The following OR2AK2 variants were observed in gnomAD, a reference collection of about 807,000 sequenced individuals.
The protein encoded by OR2AK2 is olfactory receptor 2AK2.
For missense variants in OR2AK2, 392 were observed against 384.1 expected (o/e 1.02, Z -0.17); for synonymous variants, 139 against 147.2 (o/e 0.94, Z 0.40).
chr1:247,965,885 G>C (rs746286110), exon 1 of OR2AK2: 4 of 1,613,530 alleles, frequency 2.5e-6, no homozygotes, highest in Non-Finnish European at 3.4e-6. Context: ...CCATTCTGTA[G>C]GTCTCGGCTC....
chr1:247,965,246 T>C lies in OR2AK2; in HGVS notation c.-131T>C. 1 of 1,115,904 alleles carries C rather than the reference T, an allele frequency of 9.0e-7. No homozygotes were observed. The highest frequency in any genetic ancestry group is 1.2e-6 in the Non-Finnish European group (1 of 804,026). The allele number at this position is 1,115,904 out of a possible 1,614,324, so 69.1% of individuals were successfully genotyped here. On this transcript the variant is annotated 5_prime_UTR_variant, in exon 1 of 1. The change abolishes the stop of an existing upstream ORF in the 5' untranslated region. Transcript: ENST00000366480. Reference sequence around the variant, plus strand: ...GAAAGCACTTTGTGCTCTAAACATGTAGATAGTTGCCAAACATGTAAGTGA... The same window carrying C: ...GAAAGCACTTTGTGCTCTAAACATGCAGATAGTTGCCAAACATGTAAGTGA...
chr1:247,965,931 A>G lies in OR2AK2; in HGVS notation c.555A>G (p.Leu185=), dbSNP rs146632661. 94 of 1,610,890 alleles carry G rather than the reference A, an allele frequency of 5.8e-5. No individual in the cohort carries two copies. In the African/African-American group the frequency reaches 1.1e-3, roughly 19 times the overall value. ...TTTTCTGTGAAGTTCCAGCTCTACT[A>G]TCATTGGTGTGTCAGGACACCTCCC... Residue 185 remains leucine, a synonymous_variant, in exon 1 of 1, where the codon CTA becomes CTG. Coordinates refer to ENST00000366480, the Ensembl canonical transcript of OR2AK2.
chr1:247,966,133 G>T, exon 1 of OR2AK2: 1 of 1,614,138 alleles, frequency 6.2e-7, no homozygotes, highest in Non-Finnish European at 8.5e-7. Flanking sequence ...CCTGTTCTAT[G>T]CAACCACTCT....
rs769431533 is a variant in OR2AK2 at position 247,965,586 on chromosome 1, C to G, written c.210C>G (p.Asp70Glu). ...TGCTCAGTCAGCTCTCCATCGTTGACCTCATGTACATCTCCACCACAGTGC... is the reference window on the plus strand; with the variant it reads ...TGCTCAGTCAGCTCTCCATCGTTGAGCTCATGTACATCTCCACCACAGTGC... Residue 70 changes from aspartate to glutamate, a missense_variant, in exon 1 of 1, where the codon GAC becomes GAG. Physicochemically the swap from Asp to Glu is conservative, Grantham distance 45. Transcript: ENST00000366480. The G allele has an allele frequency of 1.9e-5, 30 of 1,591,550 alleles. No homozygotes were observed. The highest frequency in any genetic ancestry group is 2.5e-5 in the Non-Finnish European group (29 of 1,168,992).
chr1:247,965,493 G>A, exon 1 of OR2AK2: 3 of 1,613,378 alleles, frequency 1.9e-6, no homozygotes, highest in South Asian at 1.1e-5. Flanking sequence ...CAGTTGCTCT[G>A]ACAGGAAATA....
rs765486847 is a variant in OR2AK2 at position 247,965,474 on chromosome 1, C to G, written c.98C>G (p.Thr33Ser). Residue 33 changes from threonine to serine, a missense_variant, in exon 1 of 1, where the codon ACC becomes AGC. By Grantham distance (58) the Thr-to-Ser change is moderately conservative (BLOSUM62 1). Coordinates refer to ENST00000366480, the Ensembl canonical transcript of OR2AK2. The stretch of plus-strand genomic sequence containing the variant: ...TCTCTTCTCTTTGTCGTCATTGCCA[C>G]CCTCTTTACAGTTGCTCTGACAGGA... The G allele has an allele frequency of 2.9e-5, 47 of 1,613,754 alleles. No individual in the cohort carries two copies. The highest frequency in any genetic ancestry group is 3.6e-5 in the Non-Finnish European group (42 of 1,179,872).
exon 1 of OR2AK2, chr1:247,965,517 C>A (rs751707010): frequency 5.0e-6 from 8 of 1,613,174 alleles, no homozygotes; most frequent in South Asian, 1.1e-5. Flanking sequence ...TGCTGATCCA[C>A]CTCATTCGAC....
At chr1:247,965,379 G>T (rs1220478216) in exon 1 of OR2AK2, 2 of 1,608,390 alleles carry the variant, frequency 1.2e-6, no homozygotes, top group East Asian at 4.5e-5. Flanking sequence ...TTTCAGCCAT[G>T]AAAACAGGAA....
exon 1 of OR2AK2, chr1:247,965,485 G>C (rs1660945646): frequency 1.2e-6 from 2 of 1,613,492 alleles, no homozygotes. Flanking sequence ...CCTCTTTACA[G>C]TTGCTCTGAC....
chr1:247,966,317 A>G, exon 1 of OR2AK2: 1 of 1,613,032 alleles, frequency 6.2e-7, no homozygotes. Context: ...TGTAGAAAAT[A>G]TGACTTCAGA....
At chr1:247,966,057 G>T (rs1448281390) in exon 1 of OR2AK2, 1 of 1,614,150 alleles carries the variant, frequency 6.2e-7, no homozygotes, top group Admixed American at 1.7e-5. Context: ...TGGTATTCCA[G>T]ATGAGCTCAG....
At chr1:247,966,004 C>G in exon 1 of OR2AK2, 1 of 1,612,792 alleles carries the variant, frequency 6.2e-7, no homozygotes, top group Non-Finnish European at 8.5e-7. Context: ...CTTGCTACTA[C>G]CATTCCTAGC....
exon 1 of OR2AK2, chr1:247,965,856 A>G (rs765497409): frequency 1.9e-6 from 3 of 1,613,630 alleles, no homozygotes; most frequent in South Asian, 2.2e-5. Flanking sequence ...TCATACATAC[A>G]TTGTATGTGT....
At chr1:247,966,350 A>G (rs548342111) in exon 1 of OR2AK2, 1 of 1,595,672 alleles carries the variant, frequency 6.3e-7, no homozygotes, top group Non-Finnish European at 8.5e-7. Flanking sequence ...TTGAGCATTA[A>G]CAACATAAAA....
At chr1:247,966,212 C>T (rs142759758) in exon 1 of OR2AK2, 2 of 1,613,510 alleles carry the variant, frequency 1.2e-6, no homozygotes, top group African/African-American at 2.7e-5. Flanking sequence ...GTATTTTACA[C>T]CATTGTCACA....
chr1:247,966,353 A>G (rs1382161538), exon 1 of OR2AK2: 1 of 1,592,610 alleles, frequency 6.3e-7, no homozygotes, highest in Admixed American at 1.8e-5. Context: ...AGCATTAACA[A>G]CATAAAAAGC....
exon 1 of OR2AK2, chr1:247,966,383 G>T (rs1006904056): frequency 1.3e-6 from 2 of 1,543,770 alleles, no homozygotes. Context: ...AAACTATCTG[G>T]AAAGATATAA....
At position 247,965,917 on chromosome 1, in the gene OR2AK2, G is replaced by C. The variant is rs748234846; in HGVS notation, c.541G>C (p.Val181Leu). The change falls in exon 1 of 1, where the codon GTT (valine) becomes CTT (leucine). Residue 181 changes from valine (V) to leucine (L), a missense_variant. Coordinates refer to ENST00000366480, the Ensembl canonical transcript of OR2AK2. ...GCTCATTAACCACTTTTTCTGTGAA[G>C]TTCCAGCTCTACTATCATTGGTGTG... 6.8e-6 allele frequency: 11 copies of C among 1,612,052 alleles called. No individual in the cohort carries two copies. The African/African-American group carries it at 1.3e-4, about 20-fold the overall frequency.
At chr1:247,965,910 C>A in exon 1 of OR2AK2, 1 of 1,611,980 alleles carries the variant, frequency 6.2e-7, no homozygotes, top group Non-Finnish European at 8.5e-7. Flanking sequence ...ACCACTTTTT[C>A]TGTGAAGTTC....
Sources: allele counts gnomAD v4.1 joint callset, GRCh38; gene constraint gnomAD v4.1.1; transcripts MANE v1.5; gene names NCBI Gene and HGNC (gene_info 2026-07-23, HGNC 2026-07-21).